AOAH: variants seen among roughly 807,000 people sequenced by gnomAD.
AOAH encodes the protein acyloxyacyl hydrolase (neutrophil).
In AOAH, 64 loss-of-function variants were observed where a neutral mutation model predicts 92.2. The observed-to-expected ratio is 0.69, with a 90% CI of 0.57 to 0.86. The LOEUF is 0.86. Among genes scored for constraint, AOAH ranks in the 40% least tolerant of loss-of-function variants. AOAH has a pLI of 0.00. For missense variants in AOAH, 656 were observed against 694.6 expected (o/e 0.94, Z 0.62); for synonymous variants, 263 against 254.5 (o/e 1.03, Z -0.32).
chr7:36,649,435 A>G (rs1245267887), intron 4 of AOAH, among the ~76,000 whole-genome samples: 1 of 152,230 alleles, frequency 6.6e-6, no homozygotes, highest in Non-Finnish European at 1.5e-5. Flanking sequence ...CCCTAAGCCT[A>G]GCTGGGAAGG....
chr7:36,654,014 G>A (rs890520055), intron 4 of AOAH, among the ~76,000 whole-genome samples: 15 of 150,476 alleles, frequency 1.0e-4, no homozygotes, highest in African/African-American at 2.9e-4. Flanking sequence ...AGTTGCATTC[G>A]GTTTTCAATT....
intron 1 of AOAH, among the ~76,000 whole-genome samples, chr7:36,703,193 A>T (rs534940358): frequency 4.3e-4 from 66 of 152,208 alleles, no homozygotes; most frequent in African/African-American, 1.5e-3. Context: ...TGAAGTCTTA[A>T]ACCCCTCAAA....
At chr7:36,535,018 C>CTGCTTGTGTGTATCTGTG (rs1784936627) in intron 16 of AOAH, among the ~76,000 whole-genome samples, 1 of 20,812 alleles carries the variant, frequency 4.8e-5, no homozygotes, top group African/African-American at 1.1e-4. Context: ...CTGTGTGTGT[C>CTGCTTGTGTGTATCTGTG]TGTGTCTGTG....
At chr7:36,714,053 A>G (rs924326596) in intron 1 of AOAH, among the ~76,000 whole-genome samples, 5 of 152,164 alleles carry the variant, frequency 3.3e-5, no homozygotes, top group African/African-American at 1.2e-4. Flanking sequence ...TTTTTTGAAA[A>G]GATCAACAAA....
intron 13 of AOAH, among the ~76,000 whole-genome samples, chr7:36,572,431 G>T (rs947672661): frequency 2.8e-4 from 42 of 152,118 alleles, no homozygotes; most frequent in African/African-American, 8.9e-4. Flanking sequence ...GCTAAGGTGG[G>T]AGGATCACTT....
At chr7:36,521,384 C>T (rs886641328) in intron 20 of AOAH, among the ~76,000 whole-genome samples, 1 of 152,340 alleles carries the variant, frequency 6.6e-6, no homozygotes, top group South Asian at 2.1e-4. Context: ...CCAGGACATA[C>T]AACAGATAAA....
intron 12 of AOAH, among the ~76,000 whole-genome samples, chr7:36,584,070 A>C (rs1789130391): frequency 6.6e-6 from 1 of 152,238 alleles, no homozygotes; most frequent in Non-Finnish European, 1.5e-5. Context: ...TCTGTGGTCA[A>C]ATAAGTTTAG....
intron 4 of AOAH, among the ~76,000 whole-genome samples, chr7:36,640,756 A>G (rs1793844066): frequency 6.6e-6 from 1 of 152,124 alleles, no homozygotes; most frequent in East Asian, 1.9e-4. Context: ...TCTACCCAAC[A>G]ATAAAGTGAA....
intron 4 of AOAH, among the ~76,000 whole-genome samples, chr7:36,642,733 AAAAG>A (rs1395476270): frequency 2.4e-4 from 36 of 152,356 alleles, no homozygotes; most frequent in African/African-American, 8.2e-4. Context: ...GAGCCCAAGG[AAAAG>A]AAAGAAAGTA....
intron 1 of AOAH, among the ~76,000 whole-genome samples, chr7:36,716,727 C>T (rs1277352102): frequency 6.8e-6 from 1 of 147,706 alleles, no homozygotes; most frequent in African/African-American, 2.6e-5. Flanking sequence ...AGAAGGACAA[C>T]AAACAAAACA....
intron 7 of AOAH, among the ~76,000 whole-genome samples, chr7:36,622,563 GCA>G (rs3053540): frequency 2.0e-3 from 302 of 151,278 alleles, no homozygotes; most frequent in African/African-American, 7.0e-3. Context: ...TGAATCAAAC[GCA>G]CACACACACA....
intron 4 of AOAH, among the ~76,000 whole-genome samples, chr7:36,653,884 C>T (rs978708738): frequency 3.9e-5 from 6 of 152,110 alleles, no homozygotes; most frequent in Admixed American, 1.3e-4. Context: ...GGGACCCAAA[C>T]GGGAGTGGCT....
At chr7:36,591,773 A>T in intron 12 of AOAH, among the ~76,000 whole-genome samples, 1 of 152,180 alleles carries the variant, frequency 6.6e-6, no homozygotes, top group East Asian at 1.9e-4. Flanking sequence ...GACTGAACAG[A>T]GTCTGTTTGG....
intron 1 of AOAH, among the ~76,000 whole-genome samples, chr7:36,706,761 G>A (rs1412503548): frequency 1.3e-5 from 2 of 152,196 alleles, no homozygotes; most frequent in African/African-American, 4.8e-5. Context: ...CCTTCACCTT[G>A]CACTTTTATG....
intron 3 of AOAH, among the ~76,000 whole-genome samples, chr7:36,662,872 T>C (rs1795302360): frequency 1.3e-5 from 2 of 152,130 alleles, no homozygotes; most frequent in African/African-American, 2.4e-5. Flanking sequence ...AGATGATTTA[T>C]CATCAAAAAG....
intron 2 of AOAH, among the ~76,000 whole-genome samples, chr7:36,679,805 A>T (rs1040031808): frequency 2.6e-5 from 4 of 152,014 alleles, no homozygotes; most frequent in Non-Finnish European, 5.9e-5. Flanking sequence ...CTACAGGCAC[A>T]TGTTACCACG....
At chr7:36,683,687 CA>C (rs1796786199) in intron 2 of AOAH, among the ~76,000 whole-genome samples, 1 of 151,394 alleles carries the variant, frequency 6.6e-6, no homozygotes, top group Admixed American at 6.6e-5. Context: ...AGATATAATA[CA>C]GAAGACATTA....
intron 14 of AOAH, 75 bp downstream of exon 14, chr7:36,549,364 G>T: frequency 9.1e-7 from 1 of 1,095,854 alleles, no homozygotes; most frequent in Non-Finnish European, 1.4e-6. Context: ...AATGATTATG[G>T]GGTAATAACA....
intron 2 of AOAH, among the ~76,000 whole-genome samples, chr7:36,680,131 C>A (rs1172685440): frequency 6.6e-6 from 1 of 152,138 alleles, no homozygotes; most frequent in Non-Finnish European, 1.5e-5. Context: ...TAGCAAGACT[C>A]TCAGGGCATA....
Sources: gnomAD v4.1 joint callset for allele counts (sites outside exome capture counted in the v4.1 genomes callset) on GRCh38, gnomAD v4.1.1 for gene constraint, MANE v1.5 for transcripts, NCBI Gene and HGNC (gene_info 2026-07-23, HGNC 2026-07-21) for gene names.